Variants in KSR2 observed in about 807,000 individuals in gnomAD.
The protein encoded by KSR2 is kinase suppressor of ras 2.
A neutral mutation model predicts 107.8 loss-of-function variants in KSR2; 25 were observed. The ratio of observed to expected loss-of-function variants is 0.23; its 90% CI spans 0.17 to 0.32. The LOEUF is 0.32. Among genes scored for constraint, KSR2 ranks in the 10% least tolerant of loss-of-function variants. The probability of loss-of-function intolerance (pLI) is 1.00; values close to 1 mark genes in which losing one functional copy is unlikely to be tolerated. For synonymous variants in KSR2, 480 were observed against 507.0 expected (o/e 0.95, Z 0.71); for missense variants, 887 against 1,268.9 (o/e 0.70, Z 4.57).
chr12:117,773,537 A>G (rs1889580909), intron 3 of KSR2, among the ~76,000 whole-genome samples: 1 of 152,182 alleles, frequency 6.6e-6, no homozygotes, highest in Admixed American at 6.5e-5. Flanking sequence ...TGGAATCTAC[A>G]CAGTAGATTC....
At chr12:117,881,555 A>G (rs1593335835) in intron 1 of KSR2, among the ~76,000 whole-genome samples, 1 of 152,260 alleles carries the variant, frequency 6.6e-6, no homozygotes, top group African/African-American at 2.4e-5. Context: ...AGTGACAACA[A>G]CATTCCCCAT....
chr12:117,699,634 CA>C (rs935036918), intron 4 of KSR2, among the ~76,000 whole-genome samples: 7 of 152,138 alleles, frequency 4.6e-5, no homozygotes, highest in African/African-American at 1.7e-4. Flanking sequence ...TAAAACGGTA[CA>C]CCTGTATAAG....
chr12:117,915,619 G>A (rs543711144), intron 1 of KSR2, among the ~76,000 whole-genome samples: 28 of 152,192 alleles, frequency 1.8e-4, no homozygotes, highest in African/African-American at 6.7e-4. Context: ...AAAAATCCCA[G>A]GAAATCCCGG....
At chr12:117,505,614 C>G (rs1473872832) in intron 14 of KSR2, among the ~76,000 whole-genome samples, 7 of 152,198 alleles carry the variant, frequency 4.6e-5, no homozygotes, top group Non-Finnish European at 8.8e-5. Flanking sequence ...CTGCATAGCA[C>G]CTGACAAGGC....
intron 3 of KSR2, among the ~76,000 whole-genome samples, chr12:117,794,470 ACAC>A: frequency 7.4e-6 from 1 of 134,538 alleles, no homozygotes; most frequent in African/African-American, 3.0e-5. Flanking sequence ...ATGCACACTC[ACAC>A]CAACATGCAC....
At chr12:117,933,968 T>C (rs980167985) in intron 1 of KSR2, among the ~76,000 whole-genome samples, 1 of 152,148 alleles carries the variant, frequency 6.6e-6, no homozygotes, top group Non-Finnish European at 1.5e-5. Flanking sequence ...TCAGAGTGCA[T>C]GAGTGGAGGG....
chr12:117,799,976 C>T (rs1432897729), intron 3 of KSR2, among the ~76,000 whole-genome samples: 1 of 152,188 alleles, frequency 6.6e-6, no homozygotes, highest in Non-Finnish European at 1.5e-5. Flanking sequence ...CGAGGCTGGA[C>T]GCCTGCAAGA....
At chr12:117,876,752 G>T (rs1189962546) in intron 1 of KSR2, among the ~76,000 whole-genome samples, 1 of 148,360 alleles carries the variant, frequency 6.7e-6, no homozygotes. Context: ...AATATAATTT[G>T]AAATATATAT....
At chr12:117,944,301 G>T (rs774657102) in intron 1 of KSR2, among the ~76,000 whole-genome samples, 1 of 152,126 alleles carries the variant, frequency 6.6e-6, no homozygotes, top group South Asian at 2.1e-4. Context: ...GCTTGAACCC[G>T]GGAGACGGAG....
At chr12:117,857,057 GGTT>G (rs1275585943) in intron 2 of KSR2, among the ~76,000 whole-genome samples, 2 of 151,944 alleles carry the variant, frequency 1.3e-5, no homozygotes, top group Non-Finnish European at 2.9e-5. Context: ...GTTTATTTCT[GGTT>G]GTTGTTTTTC....
chr12:117,710,723 C>A (rs1359963378), intron 4 of KSR2, among the ~76,000 whole-genome samples: 1 of 152,052 alleles, frequency 6.6e-6, no homozygotes, highest in African/African-American at 2.4e-5. Flanking sequence ...AGCTCAGGGT[C>A]TAATACATAG....
intron 3 of KSR2, among the ~76,000 whole-genome samples, chr12:117,768,048 A>G (rs966842021): frequency 6.6e-6 from 1 of 152,130 alleles, no homozygotes. Context: ...AGCTGCTTCA[A>G]GGTTTAGACC....
In KSR2 at chr12:117,855,357, G is replaced by A. The variant is rs909508561; in HGVS notation, c.472+71C>T. On this transcript the variant is annotated intron_variant, in intron 3 of 19. Transcript: ENST00000339824. ...CGTCCTGGCCTGCAGTGGCGGGCAC[G>A]GGATGCCGAGGGACCGCGGCAGCTG... 1.1e-4 allele frequency: 179 copies of A among 1,560,528 alleles called. 1 individual carries two copies. The highest frequency in any genetic ancestry group is 3.5e-4 in the East Asian group (15 of 43,390).
At chr12:117,512,683 C>G (rs1166937138) in intron 14 of KSR2, among the ~76,000 whole-genome samples, 1 of 152,084 alleles carries the variant, frequency 6.6e-6, no homozygotes, top group African/African-American at 2.4e-5. Context: ...GAACTCATCT[C>G]TGAACAGCGA....
chr12:117,761,706 C>T (rs1282309621), intron 3 of KSR2, among the ~76,000 whole-genome samples, 182 bp from the exon 4 acceptor site: 1 of 152,132 alleles, frequency 6.6e-6, no homozygotes, highest in Non-Finnish European at 1.5e-5. Flanking sequence ...ATATCTTATG[C>T]ACATTATACC....
At chr12:117,526,221 C>A (rs375110865) in intron 13 of KSR2, among the ~76,000 whole-genome samples, 54 of 152,332 alleles carry the variant, frequency 3.5e-4, no homozygotes, top group African/African-American at 1.2e-3. Context: ...CGTACTTCGG[C>A]GTAACTACCA....
intron 4 of KSR2, among the ~76,000 whole-genome samples, chr12:117,741,055 G>A (rs1427671048): frequency 6.6e-6 from 1 of 152,180 alleles, no homozygotes; most frequent in Admixed American, 6.5e-5. Context: ...GACGGTCAAG[G>A]TTAAAGGGTA....
At chr12:117,472,756 A>C (rs1221366671) in intron 17 of KSR2, among the ~76,000 whole-genome samples, 2 of 152,216 alleles carry the variant, frequency 1.3e-5, no homozygotes, top group Non-Finnish European at 2.9e-5. Flanking sequence ...GATTATAGTT[A>C]TCATAAGAAA....
intron 1 of KSR2, among the ~76,000 whole-genome samples, chr12:117,934,860 C>T (rs1291748338): frequency 6.6e-6 from 1 of 152,128 alleles, no homozygotes; most frequent in Non-Finnish European, 1.5e-5. Flanking sequence ...GAGTCTTGCT[C>T]TGTCACCCAG....
Sources: allele counts gnomAD v4.1 joint callset (sites outside exome capture counted in the v4.1 genomes callset), GRCh38; gene constraint gnomAD v4.1.1; transcripts MANE v1.5; gene names NCBI Gene and HGNC (gene_info 2026-07-23, HGNC 2026-07-21).